Variants in PDRG1 observed in about 807,000 individuals in gnomAD.
The protein encoded by PDRG1 is p53 and DNA damage regulated 1.
A neutral mutation model predicts 18.4 loss-of-function variants in PDRG1; 14 were observed. The observed-to-expected ratio is 0.76, with a 90% confidence interval of 0.50 to 1.19. The LOEUF is 1.19. PDRG1 is among the 50% of genes most tolerant of loss of function. The probability of loss-of-function intolerance (pLI) is 0.00; values close to 1 mark genes in which losing one functional copy is unlikely to be tolerated. For missense variants in PDRG1, 177 were observed against 160.1 expected (o/e 1.11, Z -0.57); for synonymous variants, 65 against 60.9 (o/e 1.07, Z -0.31).
chr20:31,946,446 T>C, intron 4 of PDRG1, 50 bp downstream of exon 4: 1 of 1,501,230 alleles, frequency 6.7e-7, no homozygotes. Context: ...TCAAAGTCCA[T>C]GCTGATGATT....
chr20:31,951,807 A>C, intron 1 of PDRG1, 68 bp downstream of exon 1: 2 of 1,487,676 alleles, frequency 1.3e-6, no homozygotes, highest in Admixed American at 2.4e-5. Flanking sequence ...AGGTCAACTC[A>C]CTGCGACCCC....
rs372370061 is a variant in PDRG1, at chr20:31,951,855, G to A, written c.87+20C>T. The stretch of plus-strand genomic sequence containing the variant: ...ACGGCGCCGGCCGCCAGGCCCCAGC[G>A]CCGCGGAGGGGCCTCTCACCTGCCG... On this transcript the variant is annotated intron_variant, in intron 1 of 4. Coordinates refer to ENST00000202017, the MANE Select transcript of PDRG1 (RefSeq NM_030815.3). 1,892 of 1,552,488 alleles carry A rather than the reference G, an allele frequency of 1.2e-3. 5 individuals are homozygous for A. The highest frequency in any genetic ancestry group is 1.6e-3 in the Non-Finnish European group (1,838 of 1,152,338).
rs760715989 is a variant in PDRG1, at chr20:31,950,292, C to T, written c.163+20G>A. On this transcript the variant is annotated intron_variant, in intron 2 of 4. Transcript: ENST00000202017. ...AACGGAACAGGCCTCCAGGGCTGCA[C>T]TGAGAAAATTTCAACTTACCAGAGA... is the stretch of plus-strand genomic sequence containing the variant. 11 of 1,572,370 alleles carry T rather than the reference C, an allele frequency of 7.0e-6. No individual in the cohort carries two copies. The highest frequency in any genetic ancestry group is 2.2e-5 in the East Asian group (1 of 44,690).
Position 31,945,735 on chromosome 20 carries a change from G to T in PDRG1, c.*72C>A. ...CAGGGCAGATCCTGTCCTTACAGGTGTCAAGGTTGGAGGGTCCTGGGTCCT... is the reference window on the plus strand; with the variant it reads ...CAGGGCAGATCCTGTCCTTACAGGTTTCAAGGTTGGAGGGTCCTGGGTCCT... On this transcript the variant is annotated 3_prime_UTR_variant, in exon 5 of 5. Coordinates refer to ENST00000202017, the MANE Select transcript of PDRG1 (RefSeq NM_030815.3). 1 of 1,262,016 alleles carries T rather than the reference G, an allele frequency of 7.9e-7. No homozygotes were observed. The highest frequency in any genetic ancestry group is 1.1e-6 in the Non-Finnish European group (1 of 880,024). 78.2% of individuals were successfully genotyped at this position (1,262,016 alleles called of 1,614,324 possible).
rs554326238 is a variant in PDRG1 at position 31,949,297 on chromosome 20, C to T, written c.164-415G>A. Among the ~76,000 whole-genome samples, 317 of 152,298 alleles carry T rather than the reference C, an allele frequency of 2.1e-3. 1 individual carries two copies. Among genetic ancestry groups the T allele is most frequent in the African/African-American group, 4.7e-3 (196 of 41,556 alleles). On this transcript the variant is annotated intron_variant, in intron 2 of 4. Coordinates refer to ENST00000202017, the MANE Select transcript of PDRG1 (RefSeq NM_030815.3). ...GTGTTCAGAACAGCAAGGGGCCGGG[C>T]GCAGTGGCTCACGCCTGTAATCCCA... is the stretch of plus-strand genomic sequence containing the variant.
Position 31,944,963 on chromosome 20 carries a change from A to G in PDRG1, c.*844T>C, listed in dbSNP as rs1010934115. 3 of 152,240 alleles carry G rather than the reference A, an allele frequency of 2.0e-5. No individual in the cohort carries two copies. Among genetic ancestry groups the G allele is most frequent in the African/African-American group, 7.2e-5 (3 of 41,464 alleles). 9.4% of individuals were successfully genotyped at this position (152,240 alleles called of 1,614,324 possible). ...AAATAAAGACTAGTTGCTGCTATTC[A>G]TTCATTCAGCTAACATTTATTGAGC... On this transcript the variant is annotated 3_prime_UTR_variant, in exon 5 of 5. Transcript: ENST00000202017.
chr20:31,951,801 CA>C, intron 1 of PDRG1, 73 bp downstream of exon 1: 2 of 1,468,138 alleles, frequency 1.4e-6, no homozygotes, highest in Non-Finnish European at 1.8e-6. Flanking sequence ...CTGTCCAGGT[CA>C]ACTCACTGCG....
chr20:31,947,925 G>A (rs1254156922), intron 3 of PDRG1, among the ~76,000 whole-genome samples: 1 of 152,080 alleles, frequency 6.6e-6, no homozygotes, highest in East Asian at 1.9e-4. Flanking sequence ...CATGAGGTAT[G>A]AAGACATCCT....
chr20:31,948,918 T>C (rs777122390), intron 2 of PDRG1, 36 bp from the exon 3 acceptor site: 2 of 1,594,450 alleles, frequency 1.3e-6, no homozygotes, highest in African/African-American at 2.7e-5. Flanking sequence ...CAACAATTTT[T>C]TTTTGAGTAC....
intron 2 of PDRG1, among the ~76,000 whole-genome samples, chr20:31,949,647 G>A (rs1249469013): frequency 6.6e-6 from 1 of 151,696 alleles, no homozygotes; most frequent in Admixed American, 6.6e-5. Context: ...GGGGGTGGGG[G>A]GAGTAGAGAT....
chr20:31,945,656 G>A lies in PDRG1; in HGVS notation c.*151C>T. 1 of 581,030 alleles carries A rather than the reference G, an allele frequency of 1.7e-6. No individual in the cohort carries two copies. The allele number at this position is 581,030 out of a possible 1,614,324, so 36.0% of individuals were successfully genotyped here. On this transcript the variant is annotated 3_prime_UTR_variant, in exon 5 of 5. Coordinates refer to ENST00000202017, the MANE Select transcript of PDRG1 (RefSeq NM_030815.3). Reference sequence around the variant, plus strand: ...GGTTCCCTCCTGCCATCACAGAGTAGCCAAGCACTACAAAGAGGTTTTCAT... The same window carrying A: ...GGTTCCCTCCTGCCATCACAGAGTAACCAAGCACTACAAAGAGGTTTTCAT...
intron 2 of PDRG1, among the ~76,000 whole-genome samples, chr20:31,949,183 T>C (rs2064336602): frequency 6.6e-6 from 1 of 151,994 alleles, no homozygotes; most frequent in Non-Finnish European, 1.5e-5. Flanking sequence ...CTAAGGAAAG[T>C]GAGAGTGTGA....
intron 1 of PDRG1, 86 bp downstream of exon 1, chr20:31,951,789 G>T: frequency 2.1e-6 from 3 of 1,398,856 alleles, no homozygotes; most frequent in Non-Finnish European, 2.9e-6. Context: ...GCCGTTAACC[G>T]CCTGTCCAGG....
In PDRG1 at chr20:31,951,949, C is replaced by T. The variant is rs1004593351; in HGVS notation, c.13G>A (p.Glu5Lys). Residue 5 changes from glutamate (E) to lysine (K), a missense_variant, in exon 1 of 5, where the codon GAG (glutamate) becomes AAG (lysine). Physicochemically the swap from Glu to Lys is moderately conservative, Grantham distance 56 (BLOSUM62 1). Coordinates refer to ENST00000202017, the MANE Select transcript of PDRG1 (RefSeq NM_030815.3). Reference protein sequence around the residue: MLSPEAERVLRYLVE... With the variant: MLSPKAERVLRYLVE... ...AGGTACCGCAGCACTCGCTCTGCCTCGGGTGATAGCATAGCGCCCACCAAC... is the reference window on the plus strand; with the variant it reads ...AGGTACCGCAGCACTCGCTCTGCCTTGGGTGATAGCATAGCGCCCACCAAC... The T allele has an allele frequency of 5.1e-6, 8 of 1,575,048 alleles. No individual in the cohort carries two copies. The highest frequency in any genetic ancestry group is 4.8e-5 in the East Asian group (2 of 41,308).
chr20:31,948,969 G>T, intron 2 of PDRG1, 87 bp from the exon 3 acceptor site: 2 of 1,279,174 alleles, frequency 1.6e-6, no homozygotes, highest in Non-Finnish European at 2.2e-6. Flanking sequence ...AGACAACAGA[G>T]CAGAACAAGA....
chr20:31,951,805 T>C (rs2123682563), intron 1 of PDRG1, 70 bp downstream of exon 1: 2 of 1,482,482 alleles, frequency 1.3e-6, no homozygotes, highest in Non-Finnish European at 1.8e-6. Flanking sequence ...CCAGGTCAAC[T>C]CACTGCGACC....
rs2064308467 is a variant in PDRG1 at position 31,945,493 on chromosome 20, TG to T, written c.*313del. 1 of 255,044 alleles carries T rather than the reference TG, an allele frequency of 3.9e-6. No individual in the cohort carries two copies. Among genetic ancestry groups the T allele is most frequent in the Non-Finnish European group, 7.6e-6 (1 of 131,766 alleles). The allele number at this position is 255,044 out of a possible 1,614,324, so 15.8% of individuals were successfully genotyped here. ...GTCCATGTGAACAGCAGGCCATTGT[TG>T]GGAAGTGCCTGTTGCAGTCATTCTT... is the stretch of plus-strand genomic sequence containing the variant. On this transcript the variant is annotated 3_prime_UTR_variant, in exon 5 of 5. Coordinates refer to ENST00000202017, the MANE Select transcript of PDRG1 (RefSeq NM_030815.3).
At chr20:31,948,939 C>T (rs1205835988) in intron 2 of PDRG1, 57 bp from the exon 3 acceptor site, 6 of 1,515,728 alleles carry the variant, frequency 4.0e-6, no homozygotes, top group Non-Finnish European at 5.5e-6. Flanking sequence ...CTATTATCTG[C>T]CAGGCATTGT....
At chr20:31,951,576 G>A (rs1030397261) in intron 1 of PDRG1, among the ~76,000 whole-genome samples, 1 of 151,764 alleles carries the variant, frequency 6.6e-6, no homozygotes, top group Non-Finnish European at 1.5e-5. Flanking sequence ...CCTTTACAGG[G>A]CGGTGCCCCT....
Sources: gnomAD v4.1 joint callset for allele counts (sites outside exome capture counted in the v4.1 genomes callset) on GRCh38, gnomAD v4.1.1 for gene constraint, MANE v1.5 for transcripts, NCBI Gene and HGNC (gene_info 2026-07-23, HGNC 2026-07-21) for gene names.